The following DNAH6 variants were observed in gnomAD, a reference collection of about 807,000 sequenced individuals.
The protein encoded by DNAH6 is axonemal beta dynein heavy chain 6.
Under a neutral mutation model 491.4 loss-of-function variants are expected in DNAH6, and 340 were observed. The observed-to-expected ratio is 0.69, with a 90% CI of 0.63 to 0.76. The LOEUF is 0.76. Ranked by LOEUF, DNAH6 falls within the 30% of genes least tolerant of loss-of-function variation. The probability of loss-of-function intolerance (pLI) is 0.00; values close to 1 mark genes in which losing one functional copy is unlikely to be tolerated. For synonymous variants in DNAH6, 1,603 were observed against 1,686.1 expected, an observed-to-expected ratio of 0.95 and a Z score of 1.21; for missense variants, 4,443 against 4,972.2, an observed-to-expected ratio of 0.89 and a Z score of 3.20.
At position 84,813,067 on chromosome 2, in the gene DNAH6, A is replaced by C. The variant is rs1680152190; in HGVS notation, c.11935A>C (p.Lys3979Gln). The change falls in exon 74 of 77, where the codon AAA becomes CAA. Residue 3979 changes from lysine to glutamine, a missense_variant. This residue lies in a region of DNAH6 where 1,463 missense variants were observed against 1,656.6 expected (regional missense o/e 0.88). Transcript: ENST00000389394. ...LRTSFVDLWL[K>Q]RGQPKSYWIS... is the part of the protein sequence containing the mutation. ...TATGTTTCTCCTTCAGCTGTGGCTC[A>C]AAAGAGGACAGCCTAAGTCCTACTG... is the stretch of plus-strand genomic sequence containing the variant. The C allele has an allele frequency of 2.6e-6, 4 of 1,551,270 alleles. No homozygotes were observed. Among genetic ancestry groups the C allele is most frequent in the Admixed American group, 2.0e-5 (1 of 50,988 alleles).
rs1380118330 is a variant in DNAH6 at position 84,642,044 on chromosome 2, C to A, written c.5068C>A (p.Leu1690Ile). 1.3e-6 allele frequency: 2 copies of A among 1,549,910 alleles called. No homozygotes were observed. The highest frequency in any genetic ancestry group is 1.7e-6 in the Non-Finnish European group (2 of 1,145,754). ...NLPKFLTDDA[L>I]LFSGIISDLF... ...GCCAAAATTTCTAACAGATGATGCTCTTCTGTTCAGGTAAGTTTGTAGACA... is the reference window on the plus strand; with the variant it reads ...GCCAAAATTTCTAACAGATGATGCTATTCTGTTCAGGTAAGTTTGTAGACA... The change falls in exon 33 of 77, where the codon CTT (leucine) becomes ATT (isoleucine). Residue 1690 changes from leucine to isoleucine, a missense_variant. Physicochemically the swap from Leu to Ile is conservative, Grantham distance 5 (BLOSUM62 2). This residue lies in a region of DNAH6 where 2,977 missense variants were observed against 3,296.6 expected (regional missense o/e 0.90). Transcript: ENST00000389394.
intron 11 of DNAH6, among the ~76,000 whole-genome samples, chr2:84,565,355 T>C (rs1681084719): frequency 6.6e-6 from 1 of 151,802 alleles, no homozygotes; most frequent in South Asian, 2.1e-4. Flanking sequence ...TTTTTTATAT[T>C]ATTTATTCAA....
At chr2:84,482,332 T>C in the DNAH6 span, among the ~76,000 whole-genome samples, 3 of 152,196 alleles carry the variant, frequency 2.0e-5, no homozygotes, top group African/African-American at 4.8e-5. Context: ...TTCCCTCTGA[T>C]CCAATTAACT....
Position 84,812,440 on chromosome 2 carries a change from G to A in DNAH6, c.11839G>A (p.Ala3947Thr), listed in dbSNP as rs889086438. 1.9e-5 allele frequency: 29 copies of A among 1,551,630 alleles called. No homozygotes were observed. Among genetic ancestry groups the A allele is most frequent in the African/African-American group, 9.6e-5 (7 of 73,060 alleles). The change falls in exon 73 of 77, where the codon GCT becomes ACT. Residue 3947 changes from alanine to threonine, a missense_variant. Around this residue, in one of 3 missense-constraint regions of DNAH6, gnomAD observed 1,463 missense variants for 1,656.6 expected, o/e 0.88. Transcript: ENST00000389394. ...CAGTTTCCTCAACAACCAGGTTCCC[G>A]CTCTGTGGTCCAACACAGCCTACCC... ...YNSFLNNQVP[A>T]LWSNTAYPSL...
intron 62 of DNAH6, among the ~76,000 whole-genome samples, chr2:84,735,881 C>A (rs575259304): frequency 6.0e-4 from 92 of 152,142 alleles, no homozygotes; most frequent in African/African-American, 2.1e-3. Flanking sequence ...GTTTAAATCC[C>A]ATTTGTCTAT....
intron 24 of DNAH6, 92 bp from the exon 25 acceptor site, chr2:84,621,099 T>A (rs936196688): frequency 4.5e-6 from 6 of 1,325,222 alleles, no homozygotes; most frequent in Non-Finnish European, 6.2e-6. Context: ...TCAGCGTTTA[T>A]GTAGCTTAGG....
At position 84,525,618 on chromosome 2, in the gene DNAH6, G is replaced by C; in HGVS notation, c.279G>C (p.Gln93His). Residue 93 changes from glutamine to histidine, a missense_variant, in exon 3 of 77, where the codon CAG (glutamine) becomes CAC (histidine). Coordinates refer to ENST00000389394, the MANE Select transcript of DNAH6 (RefSeq NM_001370.2). ...DHKQPEYIHE[Q>H]NRFQLMTAGI... ...AGCAGCCAGAATACATACATGAACAGAACCGATTTCAGTTAATGACTGCAG... is the reference window on the plus strand; with the variant it reads ...AGCAGCCAGAATACATACATGAACACAACCGATTTCAGTTAATGACTGCAG... The C allele has an allele frequency of 6.5e-7, 1 of 1,550,370 alleles. No individual in the cohort carries two copies.
chr2:84,728,831 A>G (rs2104963504), intron 61 of DNAH6, among the ~76,000 whole-genome samples: 1 of 152,132 alleles, frequency 6.6e-6, no homozygotes, highest in Middle Eastern at 3.4e-3. Context: ...CCACAAAGCT[A>G]GTGGCCCACA....
intron 62 of DNAH6, among the ~76,000 whole-genome samples, chr2:84,740,668 G>A (rs1047351639): frequency 6.6e-6 from 1 of 152,172 alleles, no homozygotes; most frequent in Non-Finnish European, 1.5e-5. Flanking sequence ...ACGCCTCAGA[G>A]CTGGTGGGGC....
chr2:84,677,586 G>A (rs1393906777), intron 41 of DNAH6, among the ~76,000 whole-genome samples: 1 of 152,068 alleles, frequency 6.6e-6, no homozygotes, highest in Non-Finnish European at 1.5e-5. Context: ...CATCTCCTTG[G>A]CCACTCTCGC....
chr2:84,539,074 T>C (rs1001110100), intron 4 of DNAH6, among the ~76,000 whole-genome samples: 1 of 152,244 alleles, frequency 6.6e-6, no homozygotes, highest in African/African-American at 2.4e-5. Flanking sequence ...TCTAACACAG[T>C]GGCAGTTTTC....
intron 63 of DNAH6, among the ~76,000 whole-genome samples, chr2:84,759,598 T>C (rs1674373571): frequency 6.6e-6 from 1 of 151,780 alleles, no homozygotes; most frequent in African/African-American, 2.4e-5. Context: ...TACAAAACAC[T>C]GAAGAAAGAA....
At position 84,521,937 on chromosome 2, in the gene DNAH6, G is replaced by A. The variant is rs147288038; in HGVS notation, c.226-3628G>A. ...CTCCAGTGTTCTTCTTTATGCTTGG[G>A]ATTGCCTTGGCTATTCAGCCTCCTT... is the stretch of plus-strand genomic sequence containing the variant. On this transcript the variant is annotated intron_variant, in intron 2 of 76. Transcript: ENST00000389394. 1.9e-4 allele frequency among the ~76,000 whole-genome samples: 29 copies of A among 152,176 alleles called. No individual in the cohort carries two copies. The East Asian group carries it at 3.5e-3, about 18-fold the overall frequency.
At chr2:84,497,980 A>G in the DNAH6 span, among the ~76,000 whole-genome samples, 1 of 152,304 alleles carries the variant, frequency 6.6e-6, no homozygotes, top group East Asian at 1.9e-4. Context: ...GGCCCTTCCC[A>G]GCCCTTCCGT....
chr2:84,713,706 GGGA>G (rs1207287665), intron 57 of DNAH6, among the ~76,000 whole-genome samples: 2 of 152,208 alleles, frequency 1.3e-5, no homozygotes, highest in African/African-American at 2.4e-5. Flanking sequence ...TGGGGTTGGG[GGGA>G]GGAGGAGATG....
At chr2:84,647,691 C>T (rs909018728) in intron 33 of DNAH6, among the ~76,000 whole-genome samples, 3 of 152,172 alleles carry the variant, frequency 2.0e-5, no homozygotes, top group Admixed American at 6.6e-5. Context: ...CAAGAGTACT[C>T]GCTGGCAGCA....
In DNAH6 at chr2:84,525,597, G is replaced by A; in HGVS notation, c.258G>A (p.Gln86=). 1 of 1,548,846 alleles carries A rather than the reference G, an allele frequency of 6.5e-7. No homozygotes were observed. The part of the protein sequence containing the change: ...PVLKVYQDHK[Q]PEYIHEQNRF... ...TAAAAGTCTACCAAGATCATAAGCA[G>A]CCAGAATACATACATGAACAGAACC... is the stretch of plus-strand genomic sequence containing the variant. The change falls in exon 3 of 77, where the codon CAG becomes CAA. Residue 86 remains glutamine (Q), a synonymous_variant. Coordinates refer to ENST00000389394, the MANE Select transcript of DNAH6 (RefSeq NM_001370.2).
chr2:84,530,857 G>T (rs188259225), intron 4 of DNAH6, among the ~76,000 whole-genome samples: 156 of 152,278 alleles, frequency 1.0e-3, no homozygotes, highest in Non-Finnish European at 1.5e-3. Flanking sequence ...AAGAGGGGTA[G>T]AGTTGCTATT....
chr2:84,814,211 C>G (rs1053113754), intron 75 of DNAH6, 89 bp downstream of exon 75: 5 of 1,356,920 alleles, frequency 3.7e-6, no homozygotes, highest in Non-Finnish European at 5.0e-6. Context: ...CACTCCCCCA[C>G]CACCTCCCAT....
Sources: allele counts gnomAD v4.1 joint callset (sites outside exome capture counted in the v4.1 genomes callset), GRCh38; gene constraint gnomAD v4.1.1; regional missense constraint gnomAD v4.1.1; transcripts MANE v1.5; gene names NCBI Gene and HGNC (gene_info 2026-07-23, HGNC 2026-07-21).